SLC38A11: variants seen among roughly 807,000 people sequenced by gnomAD.
The protein encoded by SLC38A11 is solute carrier family 38 member 11.
Under a neutral mutation model 49.4 loss-of-function variants are expected in SLC38A11, and 51 were observed. That is an observed-to-expected ratio of 1.03 (90% CI 0.83 to 1.30). The LOEUF (loss-of-function observed/expected upper bound fraction) is 1.30, where lower values mean the gene tolerates loss of function less well. SLC38A11 is among the 50% of genes most tolerant of loss of function. The probability of loss-of-function intolerance (pLI) is 0.00; values close to 1 mark genes in which losing one functional copy is unlikely to be tolerated. For synonymous variants in SLC38A11, 203 were observed against 192.9 expected, an observed-to-expected ratio of 1.05 and a Z score of -0.43; for missense variants, 574 against 556.2, an observed-to-expected ratio of 1.03 and a Z score of -0.32.
intron 9 of SLC38A11, among the ~76,000 whole-genome samples, chr2:164,914,168 G>T (rs1420948265): frequency 2.6e-5 from 4 of 152,008 alleles, no homozygotes; most frequent in African/African-American, 9.7e-5. Flanking sequence ...TCACCTCTTT[G>T]TGTTTTAATC....
chr2:164,922,831 GA>G (rs1362099525), intron 7 of SLC38A11, among the ~76,000 whole-genome samples: 1 of 152,066 alleles, frequency 6.6e-6, no homozygotes, highest in Non-Finnish European at 1.5e-5. Context: ...ACTATATTAT[GA>G]GGCTACAGTA....
chr2:164,952,644 G>GTA (rs1688599259), intron 3 of SLC38A11, 63 bp downstream of exon 3: 5 of 957,402 alleles, frequency 5.2e-6, no homozygotes, highest in Admixed American at 3.4e-5. Flanking sequence ...GTGTGTGTGT[G>GTA]TGTATGTGTG....
chr2:164,920,499 A>G (rs1559103328), intron 7 of SLC38A11, among the ~76,000 whole-genome samples: 1 of 151,764 alleles, frequency 6.6e-6, no homozygotes, highest in Non-Finnish European at 1.5e-5. Context: ...GAAATTTAAA[A>G]GAGGAATAAA....
chr2:164,918,657 A>C (rs764919718), intron 7 of SLC38A11, among the ~76,000 whole-genome samples: 26 of 152,344 alleles, frequency 1.7e-4, no homozygotes, highest in Non-Finnish European at 3.1e-4. Flanking sequence ...ATGTGTAATC[A>C]TTGAAAAGAT....
chr2:164,937,497 T>C, intron 6 of SLC38A11, 68 bp from the exon 7 acceptor site: 2 of 1,058,390 alleles, frequency 1.9e-6, no homozygotes, highest in East Asian at 2.4e-5. Flanking sequence ...ATGTTAAGTC[T>C]TTCTCATTTT....
intron 7 of SLC38A11, among the ~76,000 whole-genome samples, chr2:164,931,244 A>G (rs1455448759): frequency 6.9e-6 from 1 of 145,046 alleles, no homozygotes; most frequent in South Asian, 2.2e-4. Context: ...TCCCCCACAA[A>G]AAAAAAAAAA....
In SLC38A11 at chr2:164,915,031, T is replaced by C. The variant is rs1351797816; in HGVS notation, c.850+81A>G. The C allele has an allele frequency of 1.4e-5, 18 of 1,271,258 alleles. No homozygotes were observed. The East Asian group carries it at 3.0e-4, about 21-fold the overall frequency. The allele number at this position is 1,271,258 out of a possible 1,614,324, so 78.7% of individuals were successfully genotyped here. A position where few individuals can be genotyped will look rare whatever the true frequency, so the allele number is the denominator to read the frequency against. On this transcript the variant is annotated intron_variant, in intron 9 of 11. Transcript: ENST00000685975. ...AATCTTTGAAATAGAACACTGGGCATACCTGTAACAATAATGAGTAGAACA... is the reference window on the plus strand; with the variant it reads ...AATCTTTGAAATAGAACACTGGGCACACCTGTAACAATAATGAGTAGAACA...
intron 7 of SLC38A11, chr2:164,922,289 G>A (rs1235552723): frequency 6.6e-6 from 1 of 152,166 alleles, no homozygotes. Flanking sequence ...CATTTTTGTT[G>A]TAAGAGCCTC....
At chr2:164,940,669 T>C (rs571038651) in intron 5 of SLC38A11, among the ~76,000 whole-genome samples, 1 of 151,070 alleles carries the variant, frequency 6.6e-6, no homozygotes, top group South Asian at 2.1e-4. Context: ...ACATAAATTT[T>C]TACCACATAT....
chr2:164,933,751 C>T (rs997996479), intron 7 of SLC38A11, among the ~76,000 whole-genome samples: 2 of 152,122 alleles, frequency 1.3e-5, no homozygotes, highest in East Asian at 1.9e-4. Flanking sequence ...AAGCATTCAT[C>T]GCTGTCATAT....
At chr2:164,929,126 G>A (rs1395915350) in intron 7 of SLC38A11, among the ~76,000 whole-genome samples, 1 of 152,124 alleles carries the variant, frequency 6.6e-6, no homozygotes, top group Non-Finnish European at 1.5e-5. Context: ...AAAATAGGAA[G>A]AAGGATATTC....
intron 2 of SLC38A11, among the ~76,000 whole-genome samples, chr2:164,954,177 T>C (rs1688698680): frequency 6.6e-6 from 1 of 152,224 alleles, no homozygotes; most frequent in African/African-American, 2.4e-5. Context: ...TAATTTTTCA[T>C]AAGATTGGTA....
At chr2:164,916,211 A>C (rs1685774235) in intron 7 of SLC38A11, among the ~76,000 whole-genome samples, 1 of 152,238 alleles carries the variant, frequency 6.6e-6, no homozygotes, top group Middle Eastern at 3.4e-3. Context: ...ATTTTTACAT[A>C]TGTAAAATAT....
intron 4 of SLC38A11, 87 bp downstream of exon 4, chr2:164,945,506 C>A: frequency 7.8e-7 from 1 of 1,279,882 alleles, no homozygotes; most frequent in Middle Eastern, 2.0e-4. Context: ...TAGTGATATT[C>A]TTTAATGACT....
At chr2:164,929,046 ACT>A (rs1686797194) in intron 7 of SLC38A11, among the ~76,000 whole-genome samples, 1 of 152,108 alleles carries the variant, frequency 6.6e-6, no homozygotes, top group African/African-American at 2.4e-5. Flanking sequence ...CTCTCAAGCC[ACT>A]GTTTTGCCAT....
chr2:164,916,855 T>C (rs950415862), intron 7 of SLC38A11, among the ~76,000 whole-genome samples: 22 of 152,146 alleles, frequency 1.4e-4, no homozygotes, highest in African/African-American at 5.3e-4. Context: ...TTAGCTTAAA[T>C]TGTTCTTCTG....
At chr2:164,940,764 GTA>G (rs2105503115) in intron 5 of SLC38A11, among the ~76,000 whole-genome samples, 1 of 150,264 alleles carries the variant, frequency 6.7e-6, no homozygotes, top group South Asian at 2.1e-4. Context: ...ATATATATGT[GTA>G]TGTGTGTGTA....
intron 11 of SLC38A11, among the ~76,000 whole-genome samples, chr2:164,900,854 T>G (rs1383820841): frequency 7.8e-6 from 1 of 128,434 alleles, no homozygotes; most frequent in Non-Finnish European, 1.8e-5. Flanking sequence ...GCTTTTAGTG[T>G]GATATTCAAA....
chr2:164,942,151 T>G (rs1359842171), intron 5 of SLC38A11, among the ~76,000 whole-genome samples: 3 of 152,050 alleles, frequency 2.0e-5, no homozygotes, highest in Non-Finnish European at 4.4e-5. Flanking sequence ...GTAATTCTCT[T>G]TTGAAAAACC....
Sources: allele counts gnomAD v4.1 joint callset (sites outside exome capture counted in the v4.1 genomes callset), GRCh38; gene constraint gnomAD v4.1.1; transcripts MANE v1.5; gene names NCBI Gene and HGNC (gene_info 2026-07-23, HGNC 2026-07-21).